TNRC6B: variants seen among roughly 807,000 people sequenced by gnomAD.
The protein encoded by TNRC6B is trinucleotide repeat containing adaptor 6B.
In TNRC6B, 52 loss-of-function variants were observed where a neutral mutation model predicts 203.6. The ratio of observed to expected loss-of-function variants is 0.26; its 90% confidence interval spans 0.20 to 0.32. The LOEUF is 0.32. Ranked by LOEUF, TNRC6B falls within the 10% of genes least tolerant of loss-of-function variation. TNRC6B has a pLI of 1.00. For synonymous variants in TNRC6B, 838 were observed against 845.7 expected, an observed-to-expected ratio of 0.99 and a Z score of 0.16; for missense variants, 1,923 against 2,286.2, an observed-to-expected ratio of 0.84 and a Z score of 3.24.
chr22:40,267,516 C>G (rs2070497987), intron 5 of TNRC6B, among the ~76,000 whole-genome samples: 1 of 152,118 alleles, frequency 6.6e-6, no homozygotes, highest in African/African-American at 2.4e-5. Context: ...GTTTCAGTCT[C>G]TTTCTGGATG....
At chr22:40,095,715 C>T (rs564815838) in intron 1 of TNRC6B, among the ~76,000 whole-genome samples, 1 of 150,708 alleles carries the variant, frequency 6.6e-6, no homozygotes, top group South Asian at 2.1e-4. Context: ...ATCAGTTTTG[C>T]TCACTTGCCC....
chr22:40,100,443 A>G (rs1006594323), intron 1 of TNRC6B, among the ~76,000 whole-genome samples: 3 of 151,832 alleles, frequency 2.0e-5, no homozygotes, highest in Admixed American at 6.6e-5. Context: ...AGTGATAACA[A>G]TCATAGCTCA....
chr22:40,079,173 A>G (rs866034338), intron 1 of TNRC6B, among the ~76,000 whole-genome samples: 1 of 152,084 alleles, frequency 6.6e-6, no homozygotes, highest in Non-Finnish European at 1.5e-5. Flanking sequence ...TTGGCCTCCC[A>G]AAGTGCTGGG....
At chr22:40,192,048 T>C (rs138170617) in intron 1 of TNRC6B, among the ~76,000 whole-genome samples, 32 of 152,206 alleles carry the variant, frequency 2.1e-4, no homozygotes, top group African/African-American at 6.3e-4. Flanking sequence ...TTTTTAGAGA[T>C]AGGATCTTGC....
intron 1 of TNRC6B, among the ~76,000 whole-genome samples, chr22:40,085,839 T>G (rs2146292640): frequency 7.1e-6 from 1 of 141,570 alleles, no homozygotes; most frequent in African/African-American, 2.9e-5. Context: ...GAAACTATTT[T>G]TGTTGTTGCT....
chr22:40,182,690 C>T (rs1232858414), intron 1 of TNRC6B, among the ~76,000 whole-genome samples: 4 of 152,190 alleles, frequency 2.6e-5, no homozygotes, highest in Non-Finnish European at 5.9e-5. Flanking sequence ...AACTATATAA[C>T]TTACTGCTTT....
At chr22:40,222,705 C>T (rs1197399816) in intron 1 of TNRC6B, among the ~76,000 whole-genome samples, 22 of 113,688 alleles carry the variant, frequency 1.9e-4, no homozygotes, top group African/African-American at 7.6e-4. Context: ...TTGGTAACAT[C>T]TTGCTGTATT....
At chr22:40,185,810 G>A (rs900288169) in intron 1 of TNRC6B, among the ~76,000 whole-genome samples, 1 of 152,148 alleles carries the variant, frequency 6.6e-6, no homozygotes, top group South Asian at 2.1e-4. Flanking sequence ...TGAGAGACAG[G>A]CAGGCCAATT....
intron 2 of TNRC6B, among the ~76,000 whole-genome samples, chr22:40,246,716 A>T (rs2070112363): frequency 6.6e-6 from 1 of 152,108 alleles, no homozygotes; most frequent in Non-Finnish European, 1.5e-5. Flanking sequence ...AATTTAATCT[A>T]TATTTTCTTA....
chr22:40,242,619 G>A lies in TNRC6B; in HGVS notation c.6-3396G>A, dbSNP rs563322653. On this transcript the variant is annotated intron_variant, in intron 1 of 22. Transcript: ENST00000454349. ...CTAATTTTGTATTTTAAACCTCTGT[G>A]GGGTTTCTCCATGTTGGTCAGGCTG... Among the ~76,000 whole-genome samples, 7 of 151,890 alleles carry A rather than the reference G, an allele frequency of 4.6e-5. No individual in the cohort carries two copies. In the East Asian group the frequency reaches 1.2e-3, roughly 25 times the overall value.
At chr22:40,087,521 A>G (rs562627239) in intron 1 of TNRC6B, among the ~76,000 whole-genome samples, 12 of 152,340 alleles carry the variant, frequency 7.9e-5, no homozygotes, top group Middle Eastern at 3.4e-3. Context: ...TGTAATTCCA[A>G]ACACTGGTAA....
chr22:40,243,115 C>T (rs6001850), intron 1 of TNRC6B, among the ~76,000 whole-genome samples: 120 of 152,178 alleles, frequency 7.9e-4, no homozygotes, highest in African/African-American at 2.6e-3. Context: ...GCAATCCACC[C>T]GTCTCGGCCT....
intron 1 of TNRC6B, among the ~76,000 whole-genome samples, chr22:40,107,969 G>A (rs1032987814): frequency 2.6e-5 from 4 of 151,124 alleles, no homozygotes; most frequent in Non-Finnish European, 5.9e-5. Context: ...CAGTGCGCAA[G>A]ATGCACAGGA....
chr22:40,262,045 C>T lies in TNRC6B; in HGVS notation c.329C>T (p.Pro110Leu). Residue 110 changes from proline to leucine, a missense_variant, in exon 4 of 23, where the codon CCC (proline) becomes CTC (leucine). Transcript: ENST00000454349. ...DHKVLLKRGQPPPPSCMLLGG... is the reference protein window; with the variant it reads ...DHKVLLKRGQLPPPSCMLLGG... The stretch of plus-strand genomic sequence containing the variant: ...AAAGTGTTACTAAAACGTGGGCAGC[C>T]CCCTCCACCGTCCTGCATGCTCCTT... The T allele has an allele frequency of 6.3e-7, 1 of 1,597,592 alleles. No homozygotes were observed.
chr22:40,278,074 GTA>G, intron 9 of TNRC6B, 30 bp downstream of exon 9: 1 of 1,537,886 alleles, frequency 6.5e-7, no homozygotes, highest in Non-Finnish European at 8.8e-7. Context: ...AAAGAATGGA[GTA>G]TATCAGTGTT....
At chr22:40,065,931 A>G (rs2067890884) in intron 1 of TNRC6B, among the ~76,000 whole-genome samples, 1 of 152,104 alleles carries the variant, frequency 6.6e-6, no homozygotes, top group South Asian at 2.1e-4. Flanking sequence ...TTATTTCCCC[A>G]GCTTAGGGCA....
rs115704411 is a variant in TNRC6B at position 40,193,246 on chromosome 22, G to C, written c.5+15106G>C. On this transcript the variant is annotated intron_variant, in intron 1 of 22. Transcript: ENST00000454349. ...GGCAATACATTGAGCAGTTCTCCAG[G>C]AGGAACTCACAGTGTTCATCAGCGT... Among the ~76,000 whole-genome samples, 695 of 152,292 alleles carry C rather than the reference G, an allele frequency of 4.6e-3. 6 individuals carry two copies. Among genetic ancestry groups the C allele is most frequent in the African/African-American group, 0.015 (636 of 41,562 alleles).
chr22:40,211,575 A>G (rs1361833298), intron 1 of TNRC6B, among the ~76,000 whole-genome samples: 1 of 152,080 alleles, frequency 6.6e-6, no homozygotes. Flanking sequence ...CCCAGCTCAC[A>G]CTTTTAAACC....
At chr22:40,180,976 C>G (rs2069122497) in intron 1 of TNRC6B, among the ~76,000 whole-genome samples, 1 of 152,094 alleles carries the variant, frequency 6.6e-6, no homozygotes, top group South Asian at 2.1e-4. Flanking sequence ...AAAAATGTCA[C>G]AGGTTCATGA....
Sources: gnomAD v4.1 joint callset for allele counts (sites outside exome capture counted in the v4.1 genomes callset) on GRCh38, gnomAD v4.1.1 for gene constraint, MANE v1.5 for transcripts, NCBI Gene and HGNC (gene_info 2026-07-23, HGNC 2026-07-21) for gene names.